Variants in ASB3 observed in about 807,000 individuals in gnomAD.
ASB3 encodes ankyrin repeat and SOCS box protein 3.
ASB3 carries 41 observed loss-of-function variants against 54.5 expected under a neutral mutation model. That is an observed-to-expected ratio of 0.75 (90% CI 0.59 to 0.98). The LOEUF (loss-of-function observed/expected upper bound fraction) is 0.98, where lower values mean the gene tolerates loss of function less well. Among genes scored for constraint, ASB3 ranks in the 50% least tolerant of loss-of-function variants. ASB3 has a pLI of 0.00. For synonymous variants in ASB3, 266 were observed against 221.2 expected (o/e 1.20, Z -1.80); for missense variants, 733 against 620.0 (o/e 1.18, Z -1.94).
rs748396505 is a variant in ASB3 at position 53,694,031 on chromosome 2, TTAATA to T, written c.1239-22_1239-18del. The T allele has an allele frequency of 2.7e-5, 44 of 1,611,276 alleles. No individual in the cohort carries two copies. Among genetic ancestry groups the T allele is most frequent in the Admixed American group, 5.0e-5 (3 of 59,706 alleles). On this transcript the variant is annotated intron_variant, in intron 8 of 9. Transcript: ENST00000263634. ...GAGTCAATCCTATGTTAGCAAGATG[TTAATA>T]TAATATTAGAAACAAAACATGCCAA... is the stretch of plus-strand genomic sequence containing the variant.
chr2:53,767,791 C>G, intron 1 of ASB3: 1 of 1,483,630 alleles, frequency 6.7e-7, no homozygotes, highest in South Asian at 1.3e-5. Flanking sequence ...GCCTGCGCCC[C>G]GCGCGGCCGG....
Position 53,743,461 on chromosome 2 carries a change from G to A in ASB3, c.355+7322C>T, listed in dbSNP as rs574241502. On this transcript the variant is annotated intron_variant, in intron 3 of 9. Coordinates refer to ENST00000263634, the MANE Select transcript of ASB3 (RefSeq NM_016115.5). ...TAAACTTCTAAGCTATTTAACCGTG[G>A]AACTAAGAATAAAGTTAAATGATGC... 1.9e-4 allele frequency among the ~76,000 whole-genome samples: 29 copies of A among 152,082 alleles called. 1 individual carries two copies. Among genetic ancestry groups the A allele is most frequent in the Non-Finnish European group, 1.5e-5 (1 of 68,006 alleles).
rs189281439 is a variant in ASB3 at position 53,710,774 on chromosome 2, T to A, written c.980+3610A>T. On this transcript the variant is annotated intron_variant, in intron 7 of 9. Transcript: ENST00000263634. Reference sequence around the variant, plus strand: ...CTTTCCTGCTTTAAGCTTGGACCCATGAATGTGCCACTCAGGGTCTAGCCT... The same window carrying A: ...CTTTCCTGCTTTAAGCTTGGACCCAAGAATGTGCCACTCAGGGTCTAGCCT... 3.3e-5 allele frequency among the ~76,000 whole-genome samples: 5 copies of A among 152,282 alleles called. No individual in the cohort carries two copies. The South Asian group carries it at 8.3e-4, about 25-fold the overall frequency.
intron 2 of ASB3, among the ~76,000 whole-genome samples, chr2:53,755,691 C>T (rs1205419678): frequency 6.6e-6 from 1 of 152,176 alleles, no homozygotes; most frequent in Admixed American, 6.5e-5. Flanking sequence ...CAACCCTCAG[C>T]AGAGACTTCA....
At chr2:53,701,382 C>G (rs1251853868) in intron 7 of ASB3, among the ~76,000 whole-genome samples, 1 of 152,158 alleles carries the variant, frequency 6.6e-6, no homozygotes. Context: ...GATGCAAAAA[C>G]TGAAGCTGAG....
chr2:53,743,936 G>A (rs1475935123), intron 3 of ASB3, among the ~76,000 whole-genome samples: 4 of 151,956 alleles, frequency 2.6e-5, no homozygotes, highest in East Asian at 1.9e-4. Flanking sequence ...TCAGCTACTC[G>A]GGAGGCTAAG....
chr2:53,685,148 T>C (rs1418012156), intron 9 of ASB3, among the ~76,000 whole-genome samples: 1 of 152,220 alleles, frequency 6.6e-6, no homozygotes, highest in East Asian at 1.9e-4. Context: ...TTACATTCTC[T>C]TTTTTAAGGG....
intron 3 of ASB3, among the ~76,000 whole-genome samples, chr2:53,736,979 G>A (rs1454114923): frequency 2.6e-5 from 4 of 152,086 alleles, no homozygotes; most frequent in South Asian, 2.1e-4. Context: ...GCAAGACTCT[G>A]TCTCAAAAAA....
intron 9 of ASB3, 126 bp downstream of exon 9, chr2:53,693,758 T>C: frequency 7.3e-7 from 1 of 1,365,802 alleles, no homozygotes; most frequent in Non-Finnish European, 9.7e-7. Flanking sequence ...TTTCCTCACA[T>C]AAGAAAATGC....
At chr2:53,757,585 C>T (rs543116601) in intron 2 of ASB3, among the ~76,000 whole-genome samples, 1 of 152,328 alleles carries the variant, frequency 6.6e-6, no homozygotes, top group African/African-American at 2.4e-5. Flanking sequence ...CTCCTAGGTA[C>T]TAATGGTTCA....
chr2:53,706,332 T>C (rs778344452), intron 7 of ASB3, among the ~76,000 whole-genome samples: 4 of 152,200 alleles, frequency 2.6e-5, no homozygotes, highest in Non-Finnish European at 5.9e-5. Flanking sequence ...TAATGCCTAA[T>C]AGGAGTTAGA....
chr2:53,785,092 T>C lies in ASB3; in HGVS notation c.-14+1729A>G, dbSNP rs577572122. ...TCATTCCTGCCTCAGGGCCTCTGCC[T>C]AGAAATTTGTCTGGCTCCCTTCTTT... On this transcript the variant is annotated intron_variant, in intron 1 of 9. Coordinates refer to ENST00000263634, the MANE Select transcript of ASB3 (RefSeq NM_016115.5). Among the ~76,000 whole-genome samples, 92 of 152,342 alleles carry C rather than the reference T, an allele frequency of 6.0e-4. 1 individual carries two copies. The South Asian group carries it at 8.5e-3, about 14-fold the overall frequency.
chr2:53,770,136 T>TA (rs988852266), intron 1 of ASB3, among the ~76,000 whole-genome samples: 20 of 152,250 alleles, frequency 1.3e-4, no homozygotes, highest in African/African-American at 4.8e-4. Flanking sequence ...AGCATCATCT[T>TA]AAAAAGAAAA....
At chr2:53,742,097 T>C (rs1035260366) in intron 3 of ASB3, among the ~76,000 whole-genome samples, 1 of 152,056 alleles carries the variant, frequency 6.6e-6, no homozygotes, top group Admixed American at 6.5e-5. Flanking sequence ...AATCCGAAAA[T>C]CAGAGGGACT....
chr2:53,685,095 C>T (rs1038541920), intron 9 of ASB3, among the ~76,000 whole-genome samples: 2 of 152,160 alleles, frequency 1.3e-5, no homozygotes, highest in African/African-American at 4.8e-5. Flanking sequence ...CCTTATATGC[C>T]TTGCTAGAGT....
chr2:53,716,443 C>T (rs1670395712), intron 6 of ASB3, 123 bp downstream of exon 6: 1 of 1,234,966 alleles, frequency 8.1e-7, no homozygotes, highest in Middle Eastern at 2.9e-4. Flanking sequence ...TCTGTTCACC[C>T]AGCAGATTGG....
At chr2:53,768,316 A>G in intron 1 of ASB3, 1 of 319,216 alleles carries the variant, frequency 3.1e-6, no homozygotes, top group Non-Finnish European at 5.8e-6. Flanking sequence ...TGGGGACTCC[A>G]TCTCTCTGCA....
At chr2:53,728,988 T>C in intron 4 of ASB3, 141 bp from the exon 5 acceptor site, 4 of 933,792 alleles carry the variant, frequency 4.3e-6, no homozygotes, top group Non-Finnish European at 6.0e-6. Flanking sequence ...TATACTGCTG[T>C]ATTAGTTGGA....
intron 3 of ASB3, among the ~76,000 whole-genome samples, chr2:53,730,831 T>C (rs1010809719): frequency 1.3e-5 from 2 of 152,180 alleles, no homozygotes; most frequent in African/African-American, 4.8e-5. Flanking sequence ...ATCATACAGT[T>C]ATTCTGTATC....
Sources: allele counts gnomAD v4.1 joint callset (sites outside exome capture counted in the v4.1 genomes callset), GRCh38; gene constraint gnomAD v4.1.1; transcripts MANE v1.5; gene names NCBI Gene and HGNC (gene_info 2026-07-23, HGNC 2026-07-21).